The following LMF1 variants were observed in gnomAD, a reference collection of about 807,000 sequenced individuals.
LMF1 encodes the protein transmembrane protein 112.
A neutral mutation model predicts 60.6 loss-of-function variants in LMF1; 68 were observed. The ratio of observed to expected loss-of-function variants is 1.12; its 90% CI spans 0.92 to 1.37. The LOEUF is 1.37. Ranked by LOEUF, LMF1 falls within the 40% of genes most tolerant of loss-of-function variation. The pLI, the probability that LMF1 is intolerant of heterozygous loss-of-function variation, is 0.00. For missense variants in LMF1, 948 were observed against 767.2 expected, an observed-to-expected ratio of 1.24 and a Z score of -2.78; for synonymous variants, 418 against 324.7, an observed-to-expected ratio of 1.29 and a Z score of -3.09.
chr16:913,132 G>A (rs1380212358), intron 3 of LMF1, among the ~76,000 whole-genome samples: 4 of 152,228 alleles, frequency 2.6e-5, no homozygotes, highest in Admixed American at 2.0e-4. Flanking sequence ...GCATCTGCAC[G>A]CCCTGCTCTT....
intron 2 of LMF1, among the ~76,000 whole-genome samples, chr16:945,262 C>T (rs2072210669): frequency 6.7e-6 from 1 of 150,012 alleles, no homozygotes; most frequent in African/African-American, 2.5e-5. Context: ...TGGCTCATGC[C>T]TGTAATCCTA....
intron 2 of LMF1, among the ~76,000 whole-genome samples, chr16:947,999 G>A (rs75210092): frequency 0.17 from 12,297 of 70,974 alleles, 534 homozygotes; most frequent in African/African-American, 0.31. Flanking sequence ...CAGAGCCAAC[G>A]ACAGAGTCAG....
Position 891,878 on chromosome 16 carries a change from G to T in LMF1, c.729+1129C>A, listed in dbSNP as rs564592769. On this transcript the variant is annotated intron_variant, in intron 5 of 10. Transcript: ENST00000262301. ...CTGCTCCCCGTCACGGCTGTGTTGGGACCATCCAGCCAAAGAGCTGAGAGT... is the reference window on the plus strand; with the variant it reads ...CTGCTCCCCGTCACGGCTGTGTTGGTACCATCCAGCCAAAGAGCTGAGAGT... Among the ~76,000 whole-genome samples, 23 of 151,488 alleles carry T rather than the reference G, an allele frequency of 1.5e-4. No homozygotes were observed. The East Asian group carries it at 4.5e-3, about 30-fold the overall frequency.
At chr16:900,681 A>ATATG (rs1223478552) in intron 4 of LMF1, 1 of 90,812 alleles carries the variant, frequency 1.1e-5, no homozygotes, top group South Asian at 4.0e-4. Context: ...GCTAATTTTT[A>ATATG]TGTGTGTGTG....
At position 889,868 on chromosome 16, in the gene LMF1, G is replaced by A. The variant is rs538143609; in HGVS notation, c.729+3139C>T. Among the ~76,000 whole-genome samples, 45 of 152,252 alleles carry A rather than the reference G, an allele frequency of 3.0e-4. 1 individual carries two copies. Among genetic ancestry groups the A allele is most frequent in the Middle Eastern group, 3.4e-3 (1 of 294 alleles). ...CACACGGGAGGGAGCATCCTCGTCC[G>A]AGACACAAGTCTGAGGTGAGAGGGG... On this transcript the variant is annotated intron_variant, in intron 5 of 10. Coordinates refer to ENST00000262301, the MANE Select transcript of LMF1 (RefSeq NM_022773.4).
intron 1 of LMF1, among the ~76,000 whole-genome samples, chr16:963,708 G>A (rs957895437): frequency 6.6e-6 from 1 of 152,094 alleles, no homozygotes; most frequent in Admixed American, 6.5e-5. Flanking sequence ...TCACCACAAC[G>A]CAAACTCCAG....
chr16:876,269 T>TTCCTACTCTAGGATGTCC (rs1397537262), intron 6 of LMF1, among the ~76,000 whole-genome samples: 1 of 152,206 alleles, frequency 6.6e-6, no homozygotes. Flanking sequence ...CCGCAAAGGC[T>TTCCTACTCTAGGATGTCC]GCACAATGCT....
chr16:854,372 C>T lies in LMF1; in HGVS notation c.*160G>A, dbSNP rs1390814520. The T allele has an allele frequency of 2.4e-6, 2 of 820,180 alleles. No individual in the cohort carries two copies. Among genetic ancestry groups the T allele is most frequent in the Admixed American group, 2.0e-5 (1 of 49,158 alleles). The allele number at this position is 820,180 out of a possible 1,614,324, so 50.8% of individuals were successfully genotyped here. On this transcript the variant is annotated 3_prime_UTR_variant, in exon 11 of 11. Coordinates refer to ENST00000262301, the MANE Select transcript of LMF1 (RefSeq NM_022773.4). ...GCCTGGGAGCCGCCACAGTATGTGACAACAGACCCCACCCTGGACCCCCGT... is the reference window on the plus strand; with the variant it reads ...GCCTGGGAGCCGCCACAGTATGTGATAACAGACCCCACCCTGGACCCCCGT...
At chr16:855,907 C>A (rs147248584) in intron 10 of LMF1, 476 of 455,986 alleles carry the variant, frequency 1.0e-3, no homozygotes, top group Non-Finnish European at 1.8e-3. Context: ...AGGGTGAGGG[C>A]CTCTGGGTCC....
At chr16:887,529 C>T (rs2070345110) in intron 5 of LMF1, among the ~76,000 whole-genome samples, 1 of 152,202 alleles carries the variant, frequency 6.6e-6, no homozygotes, top group Non-Finnish European at 1.5e-5. Context: ...CTGCTCTAGG[C>T]AGCAGGGCCA....
At chr16:941,364 C>T (rs574669387) in intron 2 of LMF1, among the ~76,000 whole-genome samples, 1 of 152,210 alleles carries the variant, frequency 6.6e-6, no homozygotes, top group East Asian at 1.9e-4. Context: ...GGACTACAGG[C>T]ACGTGCAACT....
At chr16:854,851 G>A (rs1171975568) in intron 10 of LMF1, 145 bp from the exon 11 acceptor site, 2 of 760,932 alleles carry the variant, frequency 2.6e-6, no homozygotes, top group Non-Finnish European at 4.5e-6. Flanking sequence ...CTGAGCACAG[G>A]TAGACCCCCA....
At chr16:932,872 C>T (rs1172381791) in intron 3 of LMF1, among the ~76,000 whole-genome samples, 1 of 151,312 alleles carries the variant, frequency 6.6e-6, no homozygotes, top group Non-Finnish European at 1.5e-5. Context: ...CACACGCTTC[C>T]TCACGTCTAC....
chr16:878,839 T>G lies in LMF1; in HGVS notation c.897+731A>C, dbSNP rs1204619921. Among the ~76,000 whole-genome samples the G allele has an allele frequency of 2.6e-5, 4 of 152,114 alleles. No individual in the cohort carries two copies. On this transcript the variant is annotated intron_variant, in intron 6 of 10. Transcript: ENST00000262301. The surrounding 1 kb of genome is among the most constrained non-coding windows in gnomAD (Gnocchi z 5.2). ...GTGGAACGCCACCTGGACCTGTGCA[T>G]TTTCCTGGCTGTATGTTACACCTCC... is the stretch of plus-strand genomic sequence containing the variant.
chr16:879,221 TC>T (rs2070087051), intron 6 of LMF1, among the ~76,000 whole-genome samples: 1 of 152,132 alleles, frequency 6.6e-6, no homozygotes, highest in African/African-American at 2.4e-5. Flanking sequence ...AATGGAAGAA[TC>T]TTAGGAGTGG....
At position 878,469 on chromosome 16, in the gene LMF1, G is replaced by T. The variant is rs1326992067; in HGVS notation, c.897+1101C>A. Among the ~76,000 whole-genome samples, 5 of 152,206 alleles carry T rather than the reference G, an allele frequency of 3.3e-5. No individual in the cohort carries two copies. The highest frequency in any genetic ancestry group is 2.6e-4 in the Admixed American group (4 of 15,290). On this transcript the variant is annotated intron_variant, in intron 6 of 10. Transcript: ENST00000262301. This position sits in a 1 kb window ranked among gnomAD's most constrained non-coding sequence, Gnocchi z 5.2. ...CAGCTTCCAGTAAGGTGAATCACAG[G>T]CCTGCTCACGATACAGTAGCGCCCT...
chr16:943,455 G>A (rs971720245), intron 2 of LMF1, among the ~76,000 whole-genome samples: 1 of 151,280 alleles, frequency 6.6e-6, no homozygotes. Context: ...GCTGGGTGTG[G>A]TAGTTCATGC....
At chr16:937,790 G>T (rs2071986426) in intron 2 of LMF1, among the ~76,000 whole-genome samples, 1 of 152,216 alleles carries the variant, frequency 6.6e-6, no homozygotes, top group African/African-American at 2.4e-5. Flanking sequence ...TTGTAAATTT[G>T]TAAGAAATCT....
At chr16:948,008 A>G (rs1324088656) in intron 2 of LMF1, among the ~76,000 whole-genome samples, 2 of 151,992 alleles carry the variant, frequency 1.3e-5, no homozygotes, top group Non-Finnish European at 2.9e-5. Context: ...CGACAGAGTC[A>G]GCCAACGACA....
Sources: gnomAD v4.1 joint callset for allele counts (sites outside exome capture counted in the v4.1 genomes callset) on GRCh38, gnomAD v4.1.1 for gene constraint, Gnocchi (gnomAD v3.1) non-coding constraint, MANE v1.5 for transcripts, NCBI Gene and HGNC (gene_info 2026-07-23, HGNC 2026-07-21) for gene names.